Variants in VPS53 observed in about 807,000 individuals in gnomAD.
The protein encoded by VPS53 is vacuolar protein sorting-associated protein 53 homolog.
In VPS53, 70 loss-of-function variants were observed where a neutral mutation model predicts 107.0. The ratio of observed to expected loss-of-function variants is 0.65; its 90% CI spans 0.54 to 0.80. The LOEUF is 0.80. VPS53 is among the 30% of genes least tolerant of loss of function. VPS53 has a pLI of 0.00. For synonymous variants in VPS53, 409 were observed against 393.3 expected (o/e 1.04, Z -0.47); for missense variants, 917 against 1,049.4 (o/e 0.87, Z 1.74).
rs1241384671 is a variant in VPS53 at position 524,289 on chromosome 17, AAATAAAAAATAAAAAAG to A, written c.2086-2568_2086-2552del. The stretch of plus-strand genomic sequence containing the variant: ...TGTCTCAAAAAAATAAATACATAAA[AAATAAAAAATAAAAAAG>A]AAGAAGAAGAAGAAAATACAGAGAT... On this transcript the variant is annotated intron_variant, in intron 19 of 21. Coordinates refer to ENST00000437048, the MANE Select transcript of VPS53 (RefSeq NM_001128159.3). The surrounding 1 kb of genome is among the most constrained non-coding windows in gnomAD (Gnocchi z 4.5). Among the ~76,000 whole-genome samples, 1 of 147,516 alleles carries A rather than the reference AAATAAAAAATAAAAAAG, an allele frequency of 6.8e-6. No homozygotes were observed. The highest frequency in any genetic ancestry group is 2.6e-5 in the African/African-American group (1 of 37,818).
chr17:532,343 C>T lies in VPS53; in HGVS notation c.2085+499G>A, dbSNP rs142160300. Reference sequence around the variant, plus strand: ...AGGCTGGAGTGCAGTGGTGTGATATCGGCTCACTGCAACCTCCACCTCCCG... The same window carrying T: ...AGGCTGGAGTGCAGTGGTGTGATATTGGCTCACTGCAACCTCCACCTCCCG... On this transcript the variant is annotated intron_variant, in intron 19 of 21. Transcript: ENST00000437048. 1,244 of 153,448 alleles carry T rather than the reference C, an allele frequency of 8.1e-3. 44 individuals are homozygous for T. The highest frequency in any genetic ancestry group is 0.073 in the East Asian group (376 of 5,184). The allele number at this position is 153,448 out of a possible 1,614,324, so 9.5% of individuals were successfully genotyped here.
At chr17:533,761 A>G (rs1909786444) in intron 18 of VPS53, among the ~76,000 whole-genome samples, 1 of 152,186 alleles carries the variant, frequency 6.6e-6, no homozygotes, top group Non-Finnish European at 1.5e-5. Flanking sequence ...GATGGGGGCC[A>G]TGTTTATCAG....
chr17:529,746 A>T (rs1909387624), intron 19 of VPS53, among the ~76,000 whole-genome samples: 1 of 152,130 alleles, frequency 6.6e-6, no homozygotes, highest in African/African-American at 2.4e-5. Context: ...ATGTTATTGT[A>T]AATGATTTCA....
At chr17:667,725 G>A (rs770356310) in intron 4 of VPS53, among the ~76,000 whole-genome samples, 2 of 151,350 alleles carry the variant, frequency 1.3e-5, no homozygotes, top group Non-Finnish European at 2.9e-5. Flanking sequence ...ATTGTTTAGT[G>A]CAGGGGACCC....
At chr17:565,671 C>T (rs981079445) in intron 13 of VPS53, among the ~76,000 whole-genome samples, 3 of 152,006 alleles carry the variant, frequency 2.0e-5, no homozygotes, top group Non-Finnish European at 4.4e-5. Flanking sequence ...AGAGGTTCCT[C>T]GCAACAGCTC....
chr17:651,060 T>C (rs1003997536), intron 7 of VPS53, among the ~76,000 whole-genome samples: 4 of 152,084 alleles, frequency 2.6e-5, no homozygotes, highest in African/African-American at 9.7e-5. Context: ...TCCGGAGAGA[T>C]AGGATTAAAA....
chr17:559,935 C>T (rs1236359393), intron 15 of VPS53, among the ~76,000 whole-genome samples: 1 of 152,232 alleles, frequency 6.6e-6, no homozygotes, highest in Admixed American at 6.5e-5. Context: ...AGTTCCTAAA[C>T]GTCAGCATCC....
At chr17:652,714 C>T (rs1177504350) in intron 7 of VPS53, among the ~76,000 whole-genome samples, 1 of 152,218 alleles carries the variant, frequency 6.6e-6, no homozygotes, top group Non-Finnish European at 1.5e-5. Flanking sequence ...CCAAATTATA[C>T]GTGCAAAACA....
chr17:573,531 C>A (rs1305023567), intron 13 of VPS53, among the ~76,000 whole-genome samples: 2 of 152,172 alleles, frequency 1.3e-5, no homozygotes, highest in Non-Finnish European at 2.9e-5. Context: ...AATCTGGCCA[C>A]ACTGACAAGG....
intron 4 of VPS53, among the ~76,000 whole-genome samples, chr17:670,647 C>T (rs1368598579): frequency 1.3e-5 from 2 of 152,200 alleles, no homozygotes; most frequent in Admixed American, 1.3e-4. Context: ...TCAGGTCCAT[C>T]TAATTTTGCA....
At chr17:614,647 G>A (rs1969050998) in intron 11 of VPS53, among the ~76,000 whole-genome samples, 1 of 152,166 alleles carries the variant, frequency 6.6e-6, no homozygotes, top group East Asian at 1.9e-4. Flanking sequence ...ACCTGCCCCT[G>A]TTCCTTACAC....
At chr17:643,223 ATACTTGGAAACCG>A in intron 7 of VPS53, among the ~76,000 whole-genome samples, 3 of 50,756 alleles carry the variant, frequency 5.9e-5, no homozygotes, top group African/African-American at 1.9e-4. Flanking sequence ...GACAACACTC[ATACTTGGAAACCG>A]AGGACAACAC....
At chr17:540,016 T>C (rs1253902950) in intron 17 of VPS53, among the ~76,000 whole-genome samples, 1 of 151,938 alleles carries the variant, frequency 6.6e-6, no homozygotes. Context: ...ACCAGGTCTA[T>C]CTAAAGCCCA....
chr17:578,543 C>T (rs1373506617), intron 13 of VPS53, among the ~76,000 whole-genome samples: 1 of 151,318 alleles, frequency 6.6e-6, no homozygotes, highest in African/African-American at 2.4e-5. Flanking sequence ...GAGATCCTCC[C>T]TCAGAATTTA....
intron 7 of VPS53, among the ~76,000 whole-genome samples, chr17:646,425 C>T (rs1179521445): frequency 6.9e-4 from 81 of 117,412 alleles, no homozygotes; most frequent in South Asian, 1.2e-3. Flanking sequence ...CTTTTCTAAT[C>T]CATACCACTG....
chr17:593,405 C>T lies in VPS53; in HGVS notation c.1219-7041G>A, dbSNP rs1208810657. 1.3e-4 allele frequency among the ~76,000 whole-genome samples: 20 copies of T among 152,282 alleles called. No homozygotes were observed. The South Asian group carries it at 3.7e-3, about 28-fold the overall frequency. ...AATGGGAGAAAATTTTCGCAACCTACTCATCTGACAAAGGGCTAATATCCA... is the reference window on the plus strand; with the variant it reads ...AATGGGAGAAAATTTTCGCAACCTATTCATCTGACAAAGGGCTAATATCCA... On this transcript the variant is annotated intron_variant, in intron 12 of 21. Transcript: ENST00000437048.
Position 519,759 on chromosome 17 carries a change from T to C in VPS53, c.2328+67A>G, listed in dbSNP as rs372231916. On this transcript the variant is annotated intron_variant, in intron 21 of 21. Coordinates refer to ENST00000437048, the MANE Select transcript of VPS53 (RefSeq NM_001128159.3). The surrounding 1 kb of genome is among the most constrained non-coding windows in gnomAD (Gnocchi z 5.0). ...AGCCCCCCCGGAACTTATATCCCAA[T>C]TCCCGGTTAAGAACCGCTGAGTGTG... 8.3e-6 allele frequency: 10 copies of C among 1,205,132 alleles called. No individual in the cohort carries two copies. Among genetic ancestry groups the C allele is most frequent in the African/African-American group, 7.6e-5 (5 of 65,960 alleles). The allele number at this position is 1,205,132 out of a possible 1,614,324, so 74.7% of individuals were successfully genotyped here.
At chr17:637,206 G>A (rs1597414493) in intron 7 of VPS53, among the ~76,000 whole-genome samples, 3 of 152,208 alleles carry the variant, frequency 2.0e-5, no homozygotes, top group Non-Finnish European at 4.4e-5. Context: ...TATTTGCATA[G>A]GGGTGTTTAT....
In VPS53 at chr17:628,128, T is replaced by C. The variant is rs1469315391; in HGVS notation, c.791A>G (p.His264Arg). The change falls in exon 9 of 22, where the codon CAT becomes CGT. Residue 264 changes from histidine to arginine, a missense_variant. By Grantham distance (29) the His-to-Arg change is conservative. Coordinates refer to ENST00000437048, the MANE Select transcript of VPS53 (RefSeq NM_001128159.3). ...AAAAAGTACCAGATACTCTGACAGATGCTGTTTAATAAACTTTTTGATGAT... is the reference window on the plus strand; with the variant it reads ...AAAAAGTACCAGATACTCTGACAGACGCTGTTTAATAAACTTTTTGATGAT... ...QEIIKKFIKQ[H>R]LSEYLVLFQE... 1.9e-6 allele frequency: 3 copies of C among 1,613,972 alleles called. No homozygotes were observed. The highest frequency in any genetic ancestry group is 2.2e-5 in the East Asian group (1 of 44,878).
Sources: allele counts gnomAD v4.1 joint callset (sites outside exome capture counted in the v4.1 genomes callset), GRCh38; gene constraint gnomAD v4.1.1; non-coding constraint Gnocchi (gnomAD v3.1); transcripts MANE v1.5; gene names NCBI Gene and HGNC (gene_info 2026-07-23, HGNC 2026-07-21).